Variants in SGCZ observed in about 807,000 individuals in gnomAD.
The protein encoded by SGCZ is zeta-sarcoglycan.
A neutral mutation model predicts 41.3 loss-of-function variants in SGCZ; 40 were observed. The ratio of observed to expected loss-of-function variants is 0.97; its 90% CI spans 0.75 to 1.26. The LOEUF is 1.26. SGCZ is among the 50% of genes most tolerant of loss of function. SGCZ has a pLI of 0.00. For synonymous variants in SGCZ, 206 were observed against 137.5 expected (o/e 1.50, Z -3.49); for missense variants, 552 against 369.8 (o/e 1.49, Z -4.04).
At chr8:14,652,006 T>G (rs1313340078) in intron 1 of SGCZ, among the ~76,000 whole-genome samples, 1 of 151,956 alleles carries the variant, frequency 6.6e-6, no homozygotes, top group Non-Finnish European at 1.5e-5. Flanking sequence ...TTCCTGTGAC[T>G]TTGGGGAAGT....
rs150030451 is a variant in SGCZ, at chr8:14,290,587, C to T, written c.336+33516G>A. 2.9e-3 allele frequency among the ~76,000 whole-genome samples: 439 copies of T among 152,126 alleles called. 2 individuals are homozygous for T. Among genetic ancestry groups the T allele is most frequent in the African/African-American group, 0.01 (420 of 41,522 alleles). On this transcript the variant is annotated intron_variant, in intron 3 of 7. Transcript: ENST00000382080. ...ATGGCCAACAAATATGAAAAAAATGCTCAACATCACTCATCATTACAAAAA... is the reference window on the plus strand; with the variant it reads ...ATGGCCAACAAATATGAAAAAAATGTTCAACATCACTCATCATTACAAAAA...
chr8:15,127,080 G>A (rs1478440567), intron 1 of SGCZ, among the ~76,000 whole-genome samples: 2 of 152,192 alleles, frequency 1.3e-5, no homozygotes, highest in Non-Finnish European at 2.9e-5. Flanking sequence ...TTCACTTTAA[G>A]ATTTAGGTTT....
intron 2 of SGCZ, among the ~76,000 whole-genome samples, chr8:14,470,285 T>C (rs1373838491): frequency 1.3e-5 from 2 of 152,068 alleles, no homozygotes; most frequent in Admixed American, 1.3e-4. Context: ...CACAATGAGG[T>C]TATTTCTTTG....
intron 1 of SGCZ, among the ~76,000 whole-genome samples, chr8:14,754,082 T>C (rs562264413): frequency 3.3e-4 from 51 of 152,328 alleles, no homozygotes; most frequent in Admixed American, 1.6e-3. Flanking sequence ...GAGTTCTGCA[T>C]TGAGTTTTGG....
At chr8:15,159,026 C>T (rs544629904) in intron 1 of SGCZ, among the ~76,000 whole-genome samples, 6 of 152,248 alleles carry the variant, frequency 3.9e-5, no homozygotes, top group African/African-American at 1.2e-4. Flanking sequence ...GCAATCCCTA[C>T]GTAGCTTCAG....
chr8:14,732,514 T>G (rs1030133192), intron 1 of SGCZ, among the ~76,000 whole-genome samples: 9 of 152,166 alleles, frequency 5.9e-5, no homozygotes, highest in African/African-American at 1.7e-4. Context: ...GTTAGGAAGC[T>G]GGAAAGCCCA....
intron 1 of SGCZ, among the ~76,000 whole-genome samples, chr8:14,555,676 CT>C (rs1227419058): frequency 6.6e-6 from 1 of 151,998 alleles, no homozygotes; most frequent in African/African-American, 2.4e-5. Flanking sequence ...TATGATTTAC[CT>C]GTTCTTTGCA....
At chr8:14,847,294 G>T (rs144748981) in intron 1 of SGCZ, among the ~76,000 whole-genome samples, 1 of 152,008 alleles carries the variant, frequency 6.6e-6, no homozygotes, top group African/African-American at 2.4e-5. Context: ...CTGATATGAA[G>T]ACTTGATAAA....
intron 5 of SGCZ, among the ~76,000 whole-genome samples, chr8:14,113,350 G>T (rs539741957): frequency 6.6e-6 from 1 of 152,004 alleles, no homozygotes; most frequent in Non-Finnish European, 1.5e-5. Context: ...ACTGCCTGTA[G>T]TACTTGTCTT....
intron 4 of SGCZ, among the ~76,000 whole-genome samples, chr8:14,202,568 A>G (rs1805489993): frequency 6.6e-6 from 1 of 152,142 alleles, no homozygotes; most frequent in African/African-American, 2.4e-5. Context: ...AAGGCAGATC[A>G]ATGCAGTAAG....
At chr8:14,240,659 T>C (rs776915262) in intron 3 of SGCZ, among the ~76,000 whole-genome samples, 5 of 152,218 alleles carry the variant, frequency 3.3e-5, no homozygotes, top group Non-Finnish European at 5.9e-5. Context: ...TACTTATTTA[T>C]TATAATGTGA....
intron 1 of SGCZ, among the ~76,000 whole-genome samples, chr8:15,158,175 A>C (rs1799393390): frequency 6.6e-6 from 1 of 151,964 alleles, no homozygotes. Flanking sequence ...ACAAAAAAAA[A>C]AATGGTGAAA....
chr8:15,000,825 T>C (rs2130910002), intron 1 of SGCZ, among the ~76,000 whole-genome samples: 1 of 152,322 alleles, frequency 6.6e-6, no homozygotes, highest in East Asian at 1.9e-4. Flanking sequence ...GCTTTTTGGA[T>C]GTCTGTCTGT....
chr8:15,174,489 C>G (rs1262676297), intron 1 of SGCZ, among the ~76,000 whole-genome samples: 2 of 152,074 alleles, frequency 1.3e-5, no homozygotes, highest in African/African-American at 4.8e-5. Flanking sequence ...CTGTGGTAAG[C>G]TTGACGAAAA....
intron 1 of SGCZ, among the ~76,000 whole-genome samples, chr8:14,826,329 A>G (rs1802313945): frequency 6.6e-6 from 1 of 152,024 alleles, no homozygotes; most frequent in Admixed American, 6.6e-5. Context: ...AATCCAGTCT[A>G]TCATGGTTGG....
intron 1 of SGCZ, among the ~76,000 whole-genome samples, chr8:15,117,337 C>T (rs535871887): frequency 7.3e-5 from 11 of 151,078 alleles, no homozygotes; most frequent in South Asian, 2.1e-4. Flanking sequence ...CCAGCCTGGG[C>T]GACAGAGCGA....
chr8:15,091,091 A>C (rs1179712555), intron 1 of SGCZ, among the ~76,000 whole-genome samples: 1 of 152,224 alleles, frequency 6.6e-6, no homozygotes. Flanking sequence ...ATTACCACAG[A>C]CATACTTGAA....
chr8:15,201,743 C>G (rs1800897060), intron 1 of SGCZ, among the ~76,000 whole-genome samples: 2 of 152,148 alleles, frequency 1.3e-5, no homozygotes, highest in Non-Finnish European at 2.9e-5. Context: ...GAAACTGAAC[C>G]TACCCCCACC....
intron 1 of SGCZ, among the ~76,000 whole-genome samples, chr8:14,614,832 T>C (rs1426582094): frequency 6.6e-6 from 1 of 152,110 alleles, no homozygotes; most frequent in East Asian, 1.9e-4. Flanking sequence ...AATAATAAAA[T>C]ATTTGAATAA....
Sources: allele counts gnomAD v4.1 joint callset (sites outside exome capture counted in the v4.1 genomes callset), GRCh38; gene constraint gnomAD v4.1.1; transcripts MANE v1.5; gene names NCBI Gene and HGNC (gene_info 2026-07-23, HGNC 2026-07-21).